Variants in DPP10 observed in about 807,000 individuals in gnomAD.
The protein encoded by DPP10 is inactive dipeptidyl peptidase 10.
A neutral mutation model predicts 120.9 loss-of-function variants in DPP10; 33 were observed. The ratio of observed to expected loss-of-function variants is 0.27; its 90% CI spans 0.21 to 0.37. The LOEUF (loss-of-function observed/expected upper bound fraction) is 0.37. Among genes scored for constraint, DPP10 ranks in the 10% least tolerant of loss-of-function variants. The pLI is 1.00. For missense variants in DPP10, 816 were observed against 942.8 expected (o/e 0.87, Z 1.76); for synonymous variants, 337 against 326.1 (o/e 1.03, Z -0.36).
chr2:115,475,087 A>T (rs1480771620), intron 3 of DPP10, among the ~76,000 whole-genome samples: 1 of 152,222 alleles, frequency 6.6e-6, no homozygotes, highest in African/African-American at 2.4e-5. Flanking sequence ...ATAAGTAATG[A>T]GGAACCAGTT....
chr2:114,990,815 A>G (rs1390215537), intron 1 of DPP10, among the ~76,000 whole-genome samples: 1 of 152,178 alleles, frequency 6.6e-6, no homozygotes, highest in East Asian at 1.9e-4. Flanking sequence ...CCAGACTTCA[A>G]TAATGCATTG....
chr2:115,359,598 T>C (rs1357985095), intron 3 of DPP10, among the ~76,000 whole-genome samples: 2 of 152,178 alleles, frequency 1.3e-5, no homozygotes, highest in African/African-American at 4.8e-5. Context: ...ATATGTGCCT[T>C]AGAGATGGTC....
chr2:114,602,848 G>A (rs929257895), intron 1 of DPP10, among the ~76,000 whole-genome samples: 14 of 152,030 alleles, frequency 9.2e-5, no homozygotes, highest in Non-Finnish European at 1.9e-4. Context: ...TTGCTTTTAC[G>A]TTTGAAGCAG....
chr2:114,800,938 TA>T (rs55970532), intron 1 of DPP10, among the ~76,000 whole-genome samples: 93,636 of 148,548 alleles, frequency 0.63, 29,260 homozygotes, highest in East Asian at 0.78. Flanking sequence ...AAATGGGAAT[TA>T]AAAAAAAAAA....
At chr2:115,100,556 G>T (rs1429297073) in intron 1 of DPP10, among the ~76,000 whole-genome samples, 1 of 151,982 alleles carries the variant, frequency 6.6e-6, no homozygotes, top group Non-Finnish European at 1.5e-5. Flanking sequence ...ATGTGTGTAT[G>T]TACATGTGTG....
At chr2:114,996,934 A>G (rs1701123903) in intron 1 of DPP10, among the ~76,000 whole-genome samples, 1 of 146,854 alleles carries the variant, frequency 6.8e-6, no homozygotes, top group Admixed American at 7.0e-5. Flanking sequence ...ATGAGCCGAG[A>G]TCGTGCCACT....
chr2:114,860,847 T>C (rs1372357989), intron 1 of DPP10, among the ~76,000 whole-genome samples: 2 of 152,162 alleles, frequency 1.3e-5, no homozygotes, highest in East Asian at 3.9e-4. Flanking sequence ...ATAAAAAGAA[T>C]CCCTCTAAAT....
intron 1 of DPP10, among the ~76,000 whole-genome samples, chr2:114,929,996 T>G (rs1209335097): frequency 6.6e-6 from 1 of 152,164 alleles, no homozygotes; most frequent in East Asian, 1.9e-4. Context: ...GGTCCCTGAC[T>G]TCCTGCAGCA....
intron 3 of DPP10, among the ~76,000 whole-genome samples, chr2:115,466,348 T>G (rs925477165): frequency 1.3e-5 from 2 of 152,178 alleles, no homozygotes; most frequent in African/African-American, 4.8e-5. Context: ...GAGCTACTAT[T>G]CCTCAGAACA....
rs376736768 is a variant in DPP10, at chr2:114,923,518, G to A, written c.61-385721G>A. 1.1e-3 allele frequency among the ~76,000 whole-genome samples: 114 copies of A among 105,812 alleles called. 1 individual carries two copies. The highest frequency in any genetic ancestry group is 0.011 in the South Asian group (33 of 3,086). 69.4% of individuals were successfully genotyped at this position (105,812 alleles called of 152,430 possible). ...TTTTTTGACAGAGTCTCACTCTGTCGCCCAGGCTAGAGTGCAATGGCGTGA... is the reference window on the plus strand; with the variant it reads ...TTTTTTGACAGAGTCTCACTCTGTCACCCAGGCTAGAGTGCAATGGCGTGA... On this transcript the variant is annotated intron_variant, in intron 1 of 25. Coordinates refer to ENST00000410059, the MANE Select transcript of DPP10 (RefSeq NM_020868.6).
intron 5 of DPP10, among the ~76,000 whole-genome samples, chr2:115,545,453 A>G (rs2079441313): frequency 6.6e-6 from 1 of 152,122 alleles, no homozygotes; most frequent in Non-Finnish European, 1.5e-5. Context: ...AATTCCAAGA[A>G]GAAGGCATCA....
At chr2:115,631,616 G>T (rs1400521192) in intron 5 of DPP10, among the ~76,000 whole-genome samples, 2 of 152,054 alleles carry the variant, frequency 1.3e-5, no homozygotes, top group African/African-American at 2.4e-5. Flanking sequence ...TTGTCTCTTT[G>T]TTCTCATTGG....
intron 1 of DPP10, among the ~76,000 whole-genome samples, chr2:115,085,054 T>A (rs958830699): frequency 6.6e-6 from 1 of 152,176 alleles, no homozygotes; most frequent in African/African-American, 2.4e-5. Context: ...GAGATGGCAA[T>A]AGAGAAAATG....
chr2:114,668,139 C>T (rs534278346), intron 1 of DPP10, among the ~76,000 whole-genome samples: 59 of 152,066 alleles, frequency 3.9e-4, no homozygotes, highest in African/African-American at 1.4e-3. Context: ...CTCATGTGAT[C>T]GCTGAGGCCA....
chr2:114,465,804 C>T (rs552694058), intron 1 of DPP10, among the ~76,000 whole-genome samples: 3 of 152,292 alleles, frequency 2.0e-5, no homozygotes, highest in East Asian at 1.9e-4. Flanking sequence ...GAGTAATTAG[C>T]GTCTCCATCA....
At chr2:114,672,962 T>A (rs935385012) in intron 1 of DPP10, among the ~76,000 whole-genome samples, 1 of 152,170 alleles carries the variant, frequency 6.6e-6, no homozygotes, top group Non-Finnish European at 1.5e-5. Context: ...CCCCATGTTC[T>A]AAGGCCGTCT....
chr2:115,732,044 A>G (rs1381795030), intron 8 of DPP10, among the ~76,000 whole-genome samples: 1 of 151,040 alleles, frequency 6.6e-6, no homozygotes, highest in Non-Finnish European at 1.5e-5. Context: ...AAACACAATG[A>G]TATTGCCTAG....
intron 1 of DPP10, among the ~76,000 whole-genome samples, chr2:115,001,690 A>T (rs561278838): frequency 2.0e-5 from 3 of 152,268 alleles, no homozygotes; most frequent in African/African-American, 7.2e-5. Context: ...CAACTTCAAA[A>T]AATTTTTTAA....
chr2:115,224,895 A>G (rs2057358502), intron 1 of DPP10, among the ~76,000 whole-genome samples: 1 of 152,178 alleles, frequency 6.6e-6, no homozygotes, highest in Non-Finnish European at 1.5e-5. Context: ...ATAGCTTTTG[A>G]GACAGGTATG....
Sources: allele counts gnomAD v4.1 joint callset (sites outside exome capture counted in the v4.1 genomes callset), GRCh38; gene constraint gnomAD v4.1.1; transcripts MANE v1.5; gene names NCBI Gene and HGNC (gene_info 2026-07-23, HGNC 2026-07-21).